Variants in RUVBL1 observed in about 807,000 individuals in gnomAD.
RUVBL1 encodes the protein RuvB like AAA ATPase 1.
In RUVBL1, 4 loss-of-function variants were observed where a neutral mutation model predicts 52.4. The ratio of observed to expected loss-of-function variants is 0.08; its 90% CI spans 0.04 to 0.17. The LOEUF is 0.17. RUVBL1 is among the 10% of genes least tolerant of loss of function. The pLI is 1.00. For synonymous variants in RUVBL1, 217 were observed against 214.4 expected (o/e 1.01, Z -0.10); for missense variants, 298 against 572.8 (o/e 0.52, Z 4.90).
intron 2 of RUVBL1, among the ~76,000 whole-genome samples, chr3:128,115,725 T>C (rs1943506655): frequency 6.6e-6 from 1 of 152,158 alleles, no homozygotes; most frequent in Non-Finnish European, 1.5e-5. Flanking sequence ...ACACCTAGAA[T>C]TGAATAAATA....
intron 1 of RUVBL1, among the ~76,000 whole-genome samples, chr3:128,130,688 TC>T (rs1212873002): frequency 2.0e-5 from 3 of 151,376 alleles, no homozygotes; most frequent in Non-Finnish European, 4.4e-5. Flanking sequence ...TCTTACTCTG[TC>T]CCCCAGGCTG....
intron 8 of RUVBL1, among the ~76,000 whole-genome samples, chr3:128,096,752 G>A (rs991024318): frequency 3.3e-5 from 5 of 152,024 alleles, no homozygotes; most frequent in East Asian, 1.9e-4. Context: ...GTGTGAACCC[G>A]GGAGGTGGAG....
intron 1 of RUVBL1, among the ~76,000 whole-genome samples, chr3:128,130,268 AAACAAATTGGATAATCTGG>A (rs1291846795): frequency 1.3e-5 from 2 of 152,190 alleles, no homozygotes; most frequent in African/African-American, 2.4e-5. Flanking sequence ...AAATAATTAT[AAACAAATTGGATAATCTGG>A]ATGAAATAGA....
At chr3:128,130,527 G>A (rs919964447) in intron 1 of RUVBL1, among the ~76,000 whole-genome samples, 5 of 148,362 alleles carry the variant, frequency 3.4e-5, no homozygotes, top group African/African-American at 7.5e-5. Context: ...TTGGGAGGCC[G>A]ATGTGGGAGG....
upstream of RUVBL1, among the ~76,000 whole-genome samples, chr3:128,124,469 G>A (rs1943750952): frequency 6.6e-6 from 1 of 152,170 alleles, no homozygotes; most frequent in Non-Finnish European, 1.5e-5. Context: ...ATCAGAACTA[G>A]AAATCTTCAG....
Position 128,123,772 on chromosome 3 carries a change from G to A in RUVBL1, c.-48C>T, listed in dbSNP as rs1255750424. ...ACCAGCGTGGAAAACCAGCAGCTAG[G>A]ACAGTGCGCCCGGCGCCTGAGTTAC... On this transcript the variant is annotated 5_prime_UTR_variant, in exon 1 of 11. Transcript: ENST00000322623. 17 of 1,544,644 alleles carry A rather than the reference G, an allele frequency of 1.1e-5. No homozygotes were observed. The highest frequency in any genetic ancestry group is 1.1e-4 in the African/African-American group (8 of 73,276).
chr3:128,113,755 T>C (rs540575280), intron 2 of RUVBL1, among the ~76,000 whole-genome samples: 2 of 152,232 alleles, frequency 1.3e-5, no homozygotes. Flanking sequence ...TTTACAGTCA[T>C]CCAAAATTGT....
At chr3:128,077,150 GGCC>G (rs1163972711), downstream of RUVBL1, among the ~76,000 whole-genome samples, 1 of 152,006 alleles carries the variant, frequency 6.6e-6, no homozygotes, top group African/African-American at 2.4e-5. Flanking sequence ...GCGCGCTGAT[GGCC>G]GCCCAGCCCG....
chr3:128,081,134 C>T lies in RUVBL1; in HGVS notation c.*116G>A. On this transcript the variant is annotated 3_prime_UTR_variant, in exon 11 of 11. Coordinates refer to ENST00000322623, the MANE Select transcript of RUVBL1 (RefSeq NM_003707.3). The surrounding 1 kb of genome is among the most constrained non-coding windows in gnomAD (Gnocchi z 4.8). ...TGCTTTCCACACTGAACTGACAGCG[C>T]TGCAGACCACGCCTGAGTGGGGACG... 1 of 1,023,028 alleles carries T rather than the reference C, an allele frequency of 9.8e-7. No individual in the cohort carries two copies. The highest frequency in any genetic ancestry group is 1.4e-6 in the Non-Finnish European group (1 of 691,384). 63.4% of individuals were successfully genotyped at this position (1,023,028 alleles called of 1,614,324 possible). A position where few individuals can be genotyped will look rare whatever the true frequency, so the allele number is the denominator to read the frequency against.
chr3:128,142,181 C>T (rs534135488), intron 1 of RUVBL1, among the ~76,000 whole-genome samples: 1 of 152,308 alleles, frequency 6.6e-6, no homozygotes, highest in African/African-American at 2.4e-5. Flanking sequence ...TGGCCACATC[C>T]GCTGACTCCC....
At chr3:128,094,855 G>A (rs56314510) in intron 8 of RUVBL1, among the ~76,000 whole-genome samples, 1,636 of 152,306 alleles carry the variant, frequency 0.011, 12 homozygotes, top group Non-Finnish European at 0.015. Flanking sequence ...CATATCAGAT[G>A]GCTATTATTG....
intron 3 of RUVBL1, among the ~76,000 whole-genome samples, chr3:128,108,045 G>C (rs532715517): frequency 6.6e-6 from 1 of 152,222 alleles, no homozygotes. Flanking sequence ...AGCCAGGAAA[G>C]GGGCTGAGCT....
At chr3:128,085,596 T>A (rs1942621308) in intron 9 of RUVBL1, among the ~76,000 whole-genome samples, 2 of 152,244 alleles carry the variant, frequency 1.3e-5, no homozygotes, top group Non-Finnish European at 2.9e-5. Flanking sequence ...ATACAATTGC[T>A]ACTATGAACC....
chr3:128,077,721 G>A (rs1208350392), downstream of RUVBL1, among the ~76,000 whole-genome samples: 1 of 152,214 alleles, frequency 6.6e-6, no homozygotes, highest in Non-Finnish European at 1.5e-5. Context: ...GGCCCCTCTG[G>A]GCTACAGGGC....
chr3:128,081,155 G>T lies in RUVBL1; in HGVS notation c.*95C>A. 1 of 1,323,734 alleles carries T rather than the reference G, an allele frequency of 7.6e-7. No homozygotes were observed. Among genetic ancestry groups the T allele is most frequent in the Non-Finnish European group, 1.1e-6 (1 of 950,478 alleles). 82.0% of individuals were successfully genotyped at this position (1,323,734 alleles called of 1,614,324 possible). ...AGCGCTGCAGACCACGCCTGAGTGG[G>T]GACGGCAGCCCCAAGCCCAGGGGCA... On this transcript the variant is annotated 3_prime_UTR_variant, in exon 11 of 11. Transcript: ENST00000322623. The surrounding 1 kb of genome is among the most constrained non-coding windows in gnomAD (Gnocchi z 4.8).
At chr3:128,103,020 G>A (rs1046812652) in intron 4 of RUVBL1, among the ~76,000 whole-genome samples, 17 of 152,240 alleles carry the variant, frequency 1.1e-4, no homozygotes, top group South Asian at 4.2e-4. Flanking sequence ...TGGCATTCTC[G>A]TTGCTAGAAC....
At chr3:128,085,521 C>T (rs1942618762) in intron 9 of RUVBL1, among the ~76,000 whole-genome samples, 1 of 152,220 alleles carries the variant, frequency 6.6e-6, no homozygotes, top group African/African-American at 2.4e-5. Context: ...TTGCAAGTCA[C>T]CTGGCAAGAC....
At chr3:128,083,903 C>G (rs1202213476) in intron 9 of RUVBL1, 1 of 152,252 alleles carries the variant, frequency 6.6e-6, no homozygotes, top group African/African-American at 2.4e-5. Flanking sequence ...CATGGCGAAA[C>G]CCCATCTCTA....
intron 1 of RUVBL1, among the ~76,000 whole-genome samples, chr3:128,152,720 G>A (rs556526270): frequency 6.6e-6 from 1 of 152,076 alleles, no homozygotes; most frequent in African/African-American, 2.4e-5. Flanking sequence ...ATGGAGCCGC[G>A]GACCTTCGCA....
Sources: gnomAD v4.1 joint callset for allele counts (sites outside exome capture counted in the v4.1 genomes callset) on GRCh38, gnomAD v4.1.1 for gene constraint, Gnocchi (gnomAD v3.1) non-coding constraint, MANE v1.5 for transcripts, NCBI Gene and HGNC (gene_info 2026-07-23, HGNC 2026-07-21) for gene names.